Variants in GPC5 observed in about 807,000 individuals in gnomAD.
The protein encoded by GPC5 is glypican 5.
GPC5 carries 47 observed loss-of-function variants against 53.9 expected under a neutral mutation model. That is an observed-to-expected ratio of 0.87 (90% CI 0.69 to 1.11). GPC5 has a LOEUF of 1.11. Ranked by LOEUF, GPC5 falls within the 50% of genes most tolerant of loss-of-function variation. GPC5 has a pLI of 0.00. For missense variants in GPC5, 748 were observed against 713.1 expected, an observed-to-expected ratio of 1.05 and a Z score of -0.56; for synonymous variants, 286 against 263.3, an observed-to-expected ratio of 1.09 and a Z score of -0.84.
intron 7 of GPC5, among the ~76,000 whole-genome samples, chr13:92,507,799 A>G (rs1880425791): frequency 6.6e-6 from 1 of 152,198 alleles, no homozygotes; most frequent in African/African-American, 2.4e-5. Flanking sequence ...GCACAAGTGA[A>G]AAATTTCAAC....
At chr13:92,352,943 A>G (rs2043491472) in intron 7 of GPC5, among the ~76,000 whole-genome samples, 1 of 152,192 alleles carries the variant, frequency 6.6e-6, no homozygotes, top group South Asian at 2.1e-4. Flanking sequence ...GCTGTTCACA[A>G]TAGCAAAAGT....
chr13:92,226,836 G>GCGAT (rs2042490431), intron 7 of GPC5, among the ~76,000 whole-genome samples: 2 of 151,868 alleles, frequency 1.3e-5, no homozygotes, highest in Non-Finnish European at 2.9e-5. Flanking sequence ...GTGATCTCAG[G>GCGAT]CGATCCATCT....
intron 5 of GPC5, among the ~76,000 whole-genome samples, chr13:91,859,197 G>A (rs981541209): frequency 3.3e-5 from 5 of 151,068 alleles, no homozygotes; most frequent in African/African-American, 1.2e-4. Context: ...TTTTGCATCT[G>A]GTTTACTCAT....
At chr13:92,142,022 C>G (rs149382823) in intron 6 of GPC5, among the ~76,000 whole-genome samples, 3 of 152,172 alleles carry the variant, frequency 2.0e-5, no homozygotes, top group African/African-American at 7.2e-5. Flanking sequence ...CTTGGAATGT[C>G]TAACTTCTGG....
At chr13:91,797,432 T>A (rs2938873) in intron 5 of GPC5, among the ~76,000 whole-genome samples, 54,649 of 152,016 alleles carry the variant, frequency 0.36, 11,137 homozygotes, top group African/African-American at 0.56. Flanking sequence ...AATAGTCTAT[T>A]TTAATAAACA....
chr13:91,908,679 GTCTATTAA>G (rs1341245313), intron 6 of GPC5, among the ~76,000 whole-genome samples: 1 of 151,988 alleles, frequency 6.6e-6, no homozygotes, highest in African/African-American at 2.4e-5. Context: ...CACTGAAATA[GTCTATTAA>G]TTAGAACCAA....
chr13:91,457,680 G>A (rs1024657296), intron 2 of GPC5, among the ~76,000 whole-genome samples: 1 of 152,118 alleles, frequency 6.6e-6, no homozygotes, highest in Non-Finnish European at 1.5e-5. Flanking sequence ...CAGGTAGAAG[G>A]TTAACATTGG....
chr13:91,580,324 A>G (rs1440561011), intron 2 of GPC5, among the ~76,000 whole-genome samples: 3 of 152,216 alleles, frequency 2.0e-5, no homozygotes. Flanking sequence ...TGCTGGGATT[A>G]CAGGAGTGAG....
At chr13:92,715,712 A>ACTGTAACCACT (rs1175956302) in intron 7 of GPC5, among the ~76,000 whole-genome samples, 9 of 152,222 alleles carry the variant, frequency 5.9e-5, no homozygotes, top group Non-Finnish European at 1.3e-4. Context: ...CACTGTATAC[A>ACTGTAACCACT]GTAGAGAAAA....
At chr13:92,119,420 A>T (rs1246773079) in intron 6 of GPC5, among the ~76,000 whole-genome samples, 1 of 87,634 alleles carries the variant, frequency 1.1e-5, no homozygotes, top group East Asian at 4.4e-4. Flanking sequence ...TTTTTTGGAG[A>T]CAGAGTCTTG....
intron 7 of GPC5, among the ~76,000 whole-genome samples, chr13:92,480,904 A>G (rs1334548343): frequency 6.6e-6 from 1 of 152,074 alleles, no homozygotes; most frequent in Non-Finnish European, 1.5e-5. Context: ...AATGATGTGG[A>G]TTAAGAAAGA....
At chr13:91,920,871 G>T (rs1246852255) in intron 6 of GPC5, among the ~76,000 whole-genome samples, 2 of 148,378 alleles carry the variant, frequency 1.3e-5, no homozygotes, top group Non-Finnish European at 3.0e-5. Context: ...TTCAGGGGAG[G>T]ATATGCAACT....
intron 1 of GPC5, among the ~76,000 whole-genome samples, chr13:91,404,707 C>G (rs188407067): frequency 1.3e-5 from 2 of 152,264 alleles, no homozygotes; most frequent in Admixed American, 1.3e-4. Flanking sequence ...TGCAGTGTAC[C>G]TTTATAGAAA....
chr13:92,752,641 G>A (rs534057448), intron 7 of GPC5, among the ~76,000 whole-genome samples: 94 of 152,286 alleles, frequency 6.2e-4, no homozygotes, highest in Non-Finnish European at 1.1e-3. Flanking sequence ...CGCACCGTGC[G>A]CGAGCTGAAG....
chr13:92,527,627 A>T (rs1041996309), intron 7 of GPC5, among the ~76,000 whole-genome samples: 13 of 152,158 alleles, frequency 8.5e-5, no homozygotes, highest in African/African-American at 2.9e-4. Context: ...CAACTCTCTT[A>T]TTAAATTTTG....
intron 7 of GPC5, among the ~76,000 whole-genome samples, chr13:92,426,464 ATCTT>A (rs903589436): frequency 3.3e-5 from 5 of 152,224 alleles, no homozygotes; most frequent in African/African-American, 1.2e-4. Flanking sequence ...AATAGTCCTG[ATCTT>A]TCTTTCAGTC....
chr13:92,502,775 GTAGCTGATACAA>G (rs1434127435), intron 7 of GPC5, among the ~76,000 whole-genome samples: 1 of 151,942 alleles, frequency 6.6e-6, no homozygotes, highest in Non-Finnish European at 1.5e-5. Flanking sequence ...TCTTTTCTCA[GTAGCTGATACAA>G]TCTGTAGACA....
At chr13:92,659,879 T>A (rs897104402) in intron 7 of GPC5, among the ~76,000 whole-genome samples, 1 of 152,082 alleles carries the variant, frequency 6.6e-6, no homozygotes, top group Non-Finnish European at 1.5e-5. Flanking sequence ...GGAACGAGCA[T>A]GTGCAAAACC....
intron 6 of GPC5, among the ~76,000 whole-genome samples, chr13:91,940,320 G>T (rs1424773723): frequency 6.6e-6 from 1 of 152,112 alleles, no homozygotes; most frequent in African/African-American, 2.4e-5. Context: ...CAAAGGACAT[G>T]ATTTCATCCT....
Sources: allele counts gnomAD v4.1 joint callset (sites outside exome capture counted in the v4.1 genomes callset), GRCh38; gene constraint gnomAD v4.1.1; transcripts MANE v1.5; gene names NCBI Gene and HGNC (gene_info 2026-07-23, HGNC 2026-07-21).